Variants in MYO3B observed in about 807,000 individuals in gnomAD.
MYO3B encodes the protein myosin IIIB.
A neutral mutation model predicts 174.6 loss-of-function variants in MYO3B; 156 were observed. The ratio of observed to expected loss-of-function variants is 0.89; its 90% CI spans 0.78 to 1.02. The LOEUF (loss-of-function observed/expected upper bound fraction) is 1.02, where lower values mean the gene tolerates loss of function less well. Ranked by LOEUF, MYO3B falls within the 50% of genes least tolerant of loss-of-function variation. The probability of loss-of-function intolerance (pLI) is 0.00; values close to 1 mark genes in which losing one functional copy is unlikely to be tolerated. For missense variants in MYO3B, 1,632 were observed against 1,639.4 expected (o/e 1.00, Z 0.08); for synonymous variants, 563 against 569.1 (o/e 0.99, Z 0.15).
intron 26 of MYO3B, 133 bp from the exon 27 acceptor site, chr2:170,499,513 G>A: frequency 2.5e-6 from 2 of 814,226 alleles, no homozygotes; most frequent in Non-Finnish European, 3.8e-6. Context: ...AGTCAGTAAT[G>A]TGAGCATAAG....
chr2:170,563,340 G>A (rs1691867487), intron 32 of MYO3B, among the ~76,000 whole-genome samples: 1 of 152,162 alleles, frequency 6.6e-6, no homozygotes, highest in Admixed American at 6.5e-5. Flanking sequence ...TACACGTAAA[G>A]GAGCAAGAAG....
chr2:170,328,886 C>T (rs974202540), intron 7 of MYO3B, among the ~76,000 whole-genome samples: 2 of 151,878 alleles, frequency 1.3e-5, no homozygotes, highest in African/African-American at 2.4e-5. Flanking sequence ...AAATTAAGGC[C>T]GGGTGCGGTG....
In MYO3B at chr2:170,383,769, A is replaced by T; in HGVS notation, c.1245A>T (p.Ser415=). ...RASNPPHIFA[S]ADAAYQCMVT... is the part of the protein sequence containing the mutation. The stretch of plus-strand genomic sequence containing the variant: ...CCAATCCCCCCCACATATTTGCATC[A>T]GCAGATGCTGCTTACCAGTGCATGG... The change falls in exon 12 of 35, where the codon TCA becomes TCT. Residue 415 remains serine, a synonymous_variant. Coordinates refer to ENST00000408978, the MANE Select transcript of MYO3B (RefSeq NM_138995.5). The T allele has an allele frequency of 6.2e-7, 1 of 1,613,820 alleles. No individual in the cohort carries two copies. The highest frequency in any genetic ancestry group is 8.5e-7 in the Non-Finnish European group (1 of 1,179,754).
intron 32 of MYO3B, among the ~76,000 whole-genome samples, chr2:170,628,165 C>T (rs574433957): frequency 6.6e-6 from 1 of 152,244 alleles, no homozygotes; most frequent in Admixed American, 6.5e-5. Context: ...CAGAGGCAGG[C>T]AGGCCTCCTT....
chr2:170,557,227 C>T lies in MYO3B; in HGVS notation c.3733+13239C>T, dbSNP rs1042924922. On this transcript the variant is annotated intron_variant, in intron 32 of 34. Coordinates refer to ENST00000408978, the MANE Select transcript of MYO3B (RefSeq NM_138995.5). ...CGATCTCGGCTCACTGCAAGCTCCG[C>T]CTCCTGGGTTCACGCCATTCTTCTG... Among the ~76,000 whole-genome samples the T allele has an allele frequency of 3.3e-5, 5 of 151,874 alleles. No homozygotes were observed. In the South Asian group the frequency reaches 1.0e-3, roughly 32 times the overall value.
intron 7 of MYO3B, among the ~76,000 whole-genome samples, chr2:170,292,883 A>G (rs1349932256): frequency 6.6e-6 from 1 of 152,176 alleles, no homozygotes; most frequent in Non-Finnish European, 1.5e-5. Flanking sequence ...TGCAGGCAGT[A>G]TGATGCTTCC....
intron 32 of MYO3B, among the ~76,000 whole-genome samples, chr2:170,626,561 T>A (rs907818524): frequency 6.6e-6 from 1 of 152,210 alleles, no homozygotes. Flanking sequence ...AAGGTTAATA[T>A]TGTTATGTGT....
rs1032170389 is a variant in MYO3B at position 170,437,248 on chromosome 2, C to T, written c.2651-6719C>T. On this transcript the variant is annotated intron_variant, in intron 22 of 34. Transcript: ENST00000408978. The stretch of plus-strand genomic sequence containing the variant: ...CTGGGGGTGGCCAGGTTTCTCCTTA[C>T]GTGCAGAGAGATTGATGGGGTTTAG... Among the ~76,000 whole-genome samples, 6 of 148,294 alleles carry T rather than the reference C, an allele frequency of 4.0e-5. No homozygotes were observed. The South Asian group carries it at 1.2e-3, about 31-fold the overall frequency.
chr2:170,253,043 G>A (rs888330646), intron 7 of MYO3B, among the ~76,000 whole-genome samples: 1 of 152,194 alleles, frequency 6.6e-6, no homozygotes, highest in African/African-American at 2.4e-5. Flanking sequence ...AGCCATTAGG[G>A]TTTGGAGTGG....
At chr2:170,287,576 A>G (rs2093565800) in intron 7 of MYO3B, among the ~76,000 whole-genome samples, 1 of 151,680 alleles carries the variant, frequency 6.6e-6, no homozygotes, top group Admixed American at 6.6e-5. Flanking sequence ...TTTAAATTGT[A>G]GTATTTGGTT....
intron 30 of MYO3B, among the ~76,000 whole-genome samples, chr2:170,522,268 G>C (rs1487488016): frequency 6.6e-6 from 1 of 151,980 alleles, no homozygotes; most frequent in African/African-American, 2.4e-5. Context: ...ATATATTCCT[G>C]ATTCACACAC....
At chr2:170,417,417 T>G (rs1558981630) in intron 22 of MYO3B, among the ~76,000 whole-genome samples, 1 of 152,254 alleles carries the variant, frequency 6.6e-6, no homozygotes, top group African/African-American at 2.4e-5. Context: ...ATTTGTTAAA[T>G]AACTCAGTTA....
intron 8 of MYO3B, among the ~76,000 whole-genome samples, chr2:170,368,188 A>C (rs573290900): frequency 1.3e-5 from 2 of 152,348 alleles, no homozygotes; most frequent in South Asian, 4.1e-4. Context: ...AGTGAATTTC[A>C]TTAAAAATAC....
At chr2:170,315,843 A>G (rs1488149928) in intron 7 of MYO3B, among the ~76,000 whole-genome samples, 3 of 152,218 alleles carry the variant, frequency 2.0e-5, no homozygotes, top group African/African-American at 7.2e-5. Flanking sequence ...AACCCAGGCA[A>G]TCTGACTTCA....
chr2:170,651,862 T>G, intron 33 of MYO3B, 128 bp downstream of exon 33: 1 of 627,538 alleles, frequency 1.6e-6, no homozygotes, highest in Non-Finnish European at 2.7e-6. Context: ...AACATGTGCT[T>G]AGGCTCTTTA....
chr2:170,565,498 A>G (rs1388981417), intron 32 of MYO3B, among the ~76,000 whole-genome samples: 1 of 152,246 alleles, frequency 6.6e-6, no homozygotes, highest in Non-Finnish European at 1.5e-5. Flanking sequence ...GAATTCATTC[A>G]GATGGGTAGT....
At chr2:170,636,957 C>CATGT (rs1553546022) in intron 32 of MYO3B, among the ~76,000 whole-genome samples, 6 of 146,670 alleles carry the variant, frequency 4.1e-5, no homozygotes, top group South Asian at 2.2e-4. Context: ...TGCTTTTGTG[C>CATGT]GTGTGTGTGT....
At chr2:170,354,959 G>GGGGTGGA (rs1413799354) in intron 8 of MYO3B, among the ~76,000 whole-genome samples, 1 of 152,132 alleles carries the variant, frequency 6.6e-6, no homozygotes, top group African/African-American at 2.4e-5. Flanking sequence ...GGTGGGGTGG[G>GGGGTGGA]GGGTGGAGGG....
At chr2:170,302,994 A>C (rs2093675895) in intron 7 of MYO3B, among the ~76,000 whole-genome samples, 1 of 152,212 alleles carries the variant, frequency 6.6e-6, no homozygotes, top group South Asian at 2.1e-4. Flanking sequence ...TACTGAAACA[A>C]ACATGCCGCA....
Sources: allele counts gnomAD v4.1 joint callset (sites outside exome capture counted in the v4.1 genomes callset), GRCh38; gene constraint gnomAD v4.1.1; transcripts MANE v1.5; gene names NCBI Gene and HGNC (gene_info 2026-07-23, HGNC 2026-07-21).